The following ARHGAP18 variants were observed in gnomAD, a reference collection of about 807,000 sequenced individuals.
ARHGAP18 encodes the protein Rho GTPase activating protein 18, also known as rho GTPase-activating protein 18.
Under a neutral mutation model 86.2 loss-of-function variants are expected in ARHGAP18, and 67 were observed. The ratio of observed to expected loss-of-function variants is 0.78; its 90% CI spans 0.64 to 0.95. The LOEUF (loss-of-function observed/expected upper bound fraction) is 0.95, where lower values mean the gene tolerates loss of function less well. Ranked by LOEUF, ARHGAP18 falls within the 40% of genes least tolerant of loss-of-function variation. ARHGAP18 has a pLI of 0.00. For synonymous variants in ARHGAP18, 283 were observed against 280.4 expected (o/e 1.01, Z -0.09); for missense variants, 691 against 780.4 (o/e 0.89, Z 1.37).
intron 12 of ARHGAP18, among the ~76,000 whole-genome samples, chr6:129,593,020 TAC>T (rs902712586): frequency 4.6e-5 from 7 of 152,050 alleles, no homozygotes; most frequent in African/African-American, 1.7e-4. Context: ...TACATATGCA[TAC>T]ACACACACAA....
At chr6:129,623,791 A>C (rs1311684452) in intron 5 of ARHGAP18, among the ~76,000 whole-genome samples, 1 of 152,224 alleles carries the variant, frequency 6.6e-6, no homozygotes, top group Admixed American at 6.5e-5. Flanking sequence ...TGCATAAAAA[A>C]ATACATGGAC....
chr6:129,585,189 G>T (rs1788371675), intron 12 of ARHGAP18, among the ~76,000 whole-genome samples: 1 of 151,976 alleles, frequency 6.6e-6, no homozygotes, highest in East Asian at 1.9e-4. Flanking sequence ...CTACTCGGGA[G>T]GCTGAGGTAG....
intron 2 of ARHGAP18, among the ~76,000 whole-genome samples, chr6:129,639,685 A>G (rs1217479477): frequency 2.6e-5 from 4 of 152,210 alleles, no homozygotes; most frequent in Non-Finnish European, 5.9e-5. Context: ...TTTGACTTCA[A>G]GAGACATAAG....
chr6:129,635,667 A>T (rs1479962871), intron 3 of ARHGAP18, among the ~76,000 whole-genome samples: 4 of 152,240 alleles, frequency 2.6e-5, no homozygotes, highest in Non-Finnish European at 5.9e-5. Flanking sequence ...GAAGCATTTA[A>T]CATGGAAGAG....
rs146040226 is a variant in ARHGAP18 at position 129,671,579 on chromosome 6, T to C, written c.114-29561A>G. On this transcript the variant is annotated intron_variant, in intron 1 of 14. Transcript: ENST00000368149. ...ACCCAGGTGCAGTGATGTGAGCCTA[T>C]AGTTCTATTAATAGCTACTCGGGAG... 5.3e-3 allele frequency among the ~76,000 whole-genome samples: 805 copies of C among 152,178 alleles called. 5 individuals are homozygous for C. The highest frequency in any genetic ancestry group is 8.8e-3 in the Non-Finnish European group (599 of 67,992).
chr6:129,657,186 T>C (rs1773855231), intron 1 of ARHGAP18, among the ~76,000 whole-genome samples: 1 of 152,218 alleles, frequency 6.6e-6, no homozygotes, highest in African/African-American at 2.4e-5. Flanking sequence ...GTTAAAAGCC[T>C]AATCATAAAT....
chr6:129,689,454 G>A lies in ARHGAP18; in HGVS notation c.113+20570C>T, dbSNP rs529098531. On this transcript the variant is annotated intron_variant, in intron 1 of 14. Transcript: ENST00000368149. ...ATTATGGGCATGCACCTTCATGAAC[G>A]GCTAATTTTTGTATTTTTGGTAGAG... is the stretch of plus-strand genomic sequence containing the variant. Among the ~76,000 whole-genome samples, 56 of 152,090 alleles carry A rather than the reference G, an allele frequency of 3.7e-4. 2 individuals are homozygous for A. In the South Asian group the frequency reaches 9.1e-3, roughly 25 times the overall value.
chr6:129,707,119 G>A (rs1429747974), intron 1 of ARHGAP18, among the ~76,000 whole-genome samples: 1 of 151,684 alleles, frequency 6.6e-6, no homozygotes, highest in African/African-American at 2.4e-5. Flanking sequence ...TGTGGTCCCA[G>A]CTACTATAGA....
Position 129,638,542 on chromosome 6 carries a change from A to T in ARHGAP18, c.404T>A (p.Val135Glu). ...GGTCCGCGTCAATGTTGATAAAAAC[A>T]CAATGCTTTCCTGTGGATCTCCAGC... ...ESAGDPQESI[V>E]FLSTLTRTQA... The change falls in exon 3 of 15, where the codon GTG becomes GAG. Residue 135 changes from valine to glutamate, a missense_variant. Physicochemically the swap from Val to Glu is moderately radical, Grantham distance 121. Transcript: ENST00000368149. 1 of 1,614,182 alleles carries T rather than the reference A, an allele frequency of 6.2e-7. No homozygotes were observed. Among genetic ancestry groups the T allele is most frequent in the Non-Finnish European group, 8.5e-7 (1 of 1,180,040 alleles).
In ARHGAP18 at chr6:129,709,169, T is replaced by A. The variant is rs187317248; in HGVS notation, c.113+855A>T. ...ATGTGCTTACCGATAACTAATTTAGTGTTCTAGGCTATTAGGTTAGTATTT... is the reference window on the plus strand; with the variant it reads ...ATGTGCTTACCGATAACTAATTTAGAGTTCTAGGCTATTAGGTTAGTATTT... On this transcript the variant is annotated intron_variant, in intron 1 of 14. Transcript: ENST00000368149. Among the ~76,000 whole-genome samples, 30 of 152,344 alleles carry A rather than the reference T, an allele frequency of 2.0e-4. No homozygotes were observed. The Middle Eastern group carries it at 0.01, about 52-fold the overall frequency.
chr6:129,608,550 T>C (rs776474417), intron 8 of ARHGAP18, among the ~76,000 whole-genome samples: 1 of 152,186 alleles, frequency 6.6e-6, no homozygotes, highest in Non-Finnish European at 1.5e-5. Flanking sequence ...CCCAATTTTA[T>C]AGTAAACGAG....
At chr6:129,649,692 C>T (rs1453199305) in intron 1 of ARHGAP18, among the ~76,000 whole-genome samples, 2 of 150,842 alleles carry the variant, frequency 1.3e-5, no homozygotes, top group African/African-American at 4.9e-5. Context: ...AAAAAATCCT[C>T]AGCAGAACAA....
intron 12 of ARHGAP18, 90 bp from the exon 13 acceptor site, chr6:129,584,202 C>A (rs1246407289): frequency 1.3e-6 from 2 of 1,516,210 alleles, no homozygotes; most frequent in Non-Finnish European, 1.8e-6. Flanking sequence ...TGCTTAACTA[C>A]TACGCATTTT....
At chr6:129,676,912 CCTCTTTTTTTT>C (rs142473418) in intron 1 of ARHGAP18, among the ~76,000 whole-genome samples, 7,423 of 103,760 alleles carry the variant, frequency 0.072, 470 homozygotes, top group Middle Eastern at 0.15. Context: ...AATTTTTTGT[CCTCTTTTTTTT>C]TTTTTTTTTT....
At chr6:129,587,860 T>C (rs1048984692) in intron 12 of ARHGAP18, among the ~76,000 whole-genome samples, 2 of 152,120 alleles carry the variant, frequency 1.3e-5, no homozygotes, top group African/African-American at 4.8e-5. Flanking sequence ...CAAAACATAA[T>C]CATGCCTTTC....
At chr6:129,633,402 T>G (rs1013581157) in intron 4 of ARHGAP18, among the ~76,000 whole-genome samples, 10 of 143,702 alleles carry the variant, frequency 7.0e-5, no homozygotes, top group African/African-American at 2.6e-4. Flanking sequence ...GCCACTGCAC[T>G]CTAGCCTGGG....
At chr6:129,608,982 G>A (rs1031899753) in intron 8 of ARHGAP18, among the ~76,000 whole-genome samples, 1 of 151,038 alleles carries the variant, frequency 6.6e-6, no homozygotes, top group African/African-American at 2.4e-5. Flanking sequence ...GGAGGGAAGA[G>A]GGAGTGAGAA....
chr6:129,701,036 A>T (rs1024972372), intron 1 of ARHGAP18, among the ~76,000 whole-genome samples: 2 of 152,020 alleles, frequency 1.3e-5, no homozygotes, highest in African/African-American at 2.4e-5. Context: ...TCTCACCCTC[A>T]ATGAACTTAC....
At chr6:129,645,573 A>C (rs1250207832) in intron 1 of ARHGAP18, among the ~76,000 whole-genome samples, 1 of 152,128 alleles carries the variant, frequency 6.6e-6, no homozygotes, top group African/African-American at 2.4e-5. Flanking sequence ...TCCCTCCAGA[A>C]TTCTGTGTGC....
Sources: gnomAD v4.1 joint callset for allele counts (sites outside exome capture counted in the v4.1 genomes callset) on GRCh38, gnomAD v4.1.1 for gene constraint, MANE v1.5 for transcripts, NCBI Gene and HGNC (gene_info 2026-07-23, HGNC 2026-07-21) for gene names.